SATB2: variants seen among roughly 807,000 people sequenced by gnomAD.
The protein encoded by SATB2 is DNA-binding protein SATB2.
Under a neutral mutation model 73.4 loss-of-function variants are expected in SATB2, and 1 was observed. That is an observed-to-expected ratio of 0.01 (90% confidence interval 0.00 to 0.06). The LOEUF is 0.06. Ranked by LOEUF, SATB2 falls within the 10% of genes least tolerant of loss-of-function variation. SATB2 has a pLI of 1.00. For synonymous variants in SATB2, 397 were observed against 367.0 expected (o/e 1.08, Z -0.93); for missense variants, 459 against 945.8 (o/e 0.49, Z 6.75).
chr2:199,397,440 T>G (rs1238159604), intron 3 of SATB2: 1 of 152,662 alleles, frequency 6.6e-6, no homozygotes, highest in African/African-American at 2.4e-5. Flanking sequence ...CAATAATGAA[T>G]AGTAACTAAT....
chr2:199,318,673 G>A (rs1169620677), intron 9 of SATB2, among the ~76,000 whole-genome samples: 3 of 151,964 alleles, frequency 2.0e-5, no homozygotes. Flanking sequence ...TTTTTAAAAT[G>A]AGGCTGTTAA....
intron 8 of SATB2, chr2:199,325,462 A>G (rs1330911724): frequency 6.6e-6 from 1 of 152,192 alleles, no homozygotes; most frequent in Non-Finnish European, 1.5e-5. Context: ...AATTTATGCC[A>G]GGTGCTGTTG....
upstream of SATB2, among the ~76,000 whole-genome samples, chr2:199,466,184 G>A (rs553410909): frequency 2.6e-5 from 4 of 152,118 alleles, no homozygotes; most frequent in Non-Finnish European, 4.4e-5. Flanking sequence ...AGGACGTCTC[G>A]CGCATTCTTC....
At chr2:199,436,332 G>T (rs1691650175) in intron 2 of SATB2, among the ~76,000 whole-genome samples, 1 of 151,990 alleles carries the variant, frequency 6.6e-6, no homozygotes, top group Admixed American at 6.6e-5. Context: ...TAAACATTTT[G>T]GTTCAGTGAT....
intron 3 of SATB2, among the ~76,000 whole-genome samples, chr2:199,389,326 C>A (rs1475525866): frequency 1.3e-5 from 2 of 152,100 alleles, no homozygotes; most frequent in South Asian, 2.1e-4. Context: ...AGGACTCTCT[C>A]TATATATATT....
At chr2:199,276,946 TA>T (rs1464794540) in intron 10 of SATB2, among the ~76,000 whole-genome samples, 1 of 152,148 alleles carries the variant, frequency 6.6e-6, no homozygotes, top group Non-Finnish European at 1.5e-5. Flanking sequence ...GATCGATAAA[TA>T]AATTGTAGTA....
At chr2:199,415,334 C>T (rs958854395) in intron 3 of SATB2, among the ~76,000 whole-genome samples, 2 of 152,144 alleles carry the variant, frequency 1.3e-5, no homozygotes. Context: ...AACTGTTGTA[C>T]ACAATTAATT....
At chr2:199,441,193 C>T (rs749374690) in intron 2 of SATB2, among the ~76,000 whole-genome samples, 7 of 152,044 alleles carry the variant, frequency 4.6e-5, no homozygotes, top group Non-Finnish European at 8.8e-5. Flanking sequence ...TACAATAATT[C>T]AATTTCATAT....
intron 3 of SATB2, among the ~76,000 whole-genome samples, chr2:199,424,382 A>G (rs2105917468): frequency 6.6e-6 from 1 of 152,192 alleles, no homozygotes; most frequent in Admixed American, 6.5e-5. Flanking sequence ...TCTCAAAACC[A>G]CCACCGAGCT....
chr2:199,458,970 C>T (rs193140821), upstream of SATB2, among the ~76,000 whole-genome samples: 180 of 152,228 alleles, frequency 1.2e-3, 1 homozygote, highest in Non-Finnish European at 3.1e-4. Flanking sequence ...ACGGCCACTG[C>T]CCGCCGGGCT....
intron 9 of SATB2, among the ~76,000 whole-genome samples, chr2:199,323,360 A>T (rs1687940561): frequency 6.6e-6 from 1 of 152,050 alleles, no homozygotes; most frequent in Admixed American, 6.6e-5. Flanking sequence ...GGCTGGGGAA[A>T]AGTGGTTATT....
At chr2:199,328,104 G>A (rs762752974) in intron 8 of SATB2, among the ~76,000 whole-genome samples, 3 of 152,052 alleles carry the variant, frequency 2.0e-5, no homozygotes, top group Non-Finnish European at 2.9e-5. Flanking sequence ...CCTAGAGCCC[G>A]CCCCTGTGCC....
rs1215775396 is a variant in SATB2, at chr2:199,269,637, G to T, written c.*2574C>A. The T allele has an allele frequency of 2.7e-5, 4 of 148,226 alleles. No individual in the cohort carries two copies. The highest frequency in any genetic ancestry group is 5.9e-5 in the Non-Finnish European group (4 of 67,472). 9.2% of individuals were successfully genotyped at this position (148,226 alleles called of 1,614,324 possible). ...ATGGAAAAAAGAACATTTACAATAT[G>T]TTAATCCTTATTCACATTGTTGATA... On this transcript the variant is annotated 3_prime_UTR_variant, in exon 11 of 11. Transcript: ENST00000417098.
At chr2:199,383,044 C>T (rs775610429) in intron 3 of SATB2, among the ~76,000 whole-genome samples, 21 of 152,034 alleles carry the variant, frequency 1.4e-4, no homozygotes, top group South Asian at 6.2e-4. Context: ...TAAATGAATG[C>T]GCAATGCTTG....
In SATB2 at chr2:199,352,327, C is replaced by T. The variant is rs1688842698; in HGVS notation, c.701-3154G>A. The stretch of plus-strand genomic sequence containing the variant: ...TTATTTTCTTGAGATATATCTAAAT[C>T]ATATAATTTAAAAATACCTCATTCA... On this transcript the variant is annotated intron_variant, in intron 6 of 10. Transcript: ENST00000417098. Among the ~76,000 whole-genome samples the T allele has an allele frequency of 2.0e-5, 3 of 152,110 alleles. No homozygotes were observed. In the South Asian group the frequency reaches 6.2e-4, roughly 32 times the overall value.
chr2:199,393,299 G>T (rs1690203189), intron 3 of SATB2, among the ~76,000 whole-genome samples: 1 of 152,170 alleles, frequency 6.6e-6, no homozygotes, highest in South Asian at 2.1e-4. Context: ...AGGGATGAAA[G>T]GTCACTGTGC....
intron 7 of SATB2, among the ~76,000 whole-genome samples, chr2:199,339,872 C>G (rs1688453499): frequency 6.6e-6 from 1 of 152,194 alleles, no homozygotes; most frequent in Non-Finnish European, 1.5e-5. Flanking sequence ...CACACTGAAG[C>G]TCAGACTCCC....
At chr2:199,346,429 T>C (rs1455567224) in intron 7 of SATB2, among the ~76,000 whole-genome samples, 1 of 152,206 alleles carries the variant, frequency 6.6e-6, no homozygotes, top group South Asian at 2.1e-4. Context: ...ATTATAGGCG[T>C]GAGCCACCGC....
chr2:199,435,290 T>C (rs1358858089), intron 2 of SATB2, among the ~76,000 whole-genome samples: 2 of 152,200 alleles, frequency 1.3e-5, no homozygotes, highest in African/African-American at 4.8e-5. Flanking sequence ...CTTATTTATT[T>C]ATACCAAGTT....
Sources: gnomAD v4.1 joint callset for allele counts (sites outside exome capture counted in the v4.1 genomes callset) on GRCh38, gnomAD v4.1.1 for gene constraint, MANE v1.5 for transcripts, NCBI Gene and HGNC (gene_info 2026-07-23, HGNC 2026-07-21) for gene names.